PACRG: variants seen among roughly 807,000 people sequenced by gnomAD.
PACRG encodes parkin coregulated gene protein.
PACRG carries 29 observed loss-of-function variants against 29.7 expected under a neutral mutation model. The observed-to-expected ratio is 0.98, with a 90% CI of 0.73 to 1.33. The LOEUF is 1.33. PACRG is among the 40% of genes most tolerant of loss of function. The probability of loss-of-function intolerance (pLI) is 0.00; values close to 1 mark genes in which losing one functional copy is unlikely to be tolerated. For missense variants in PACRG, 279 were observed against 316.2 expected (o/e 0.88, Z 0.89); for synonymous variants, 116 against 118.7 (o/e 0.98, Z 0.15).
At chr6:163,101,541 G>A (rs1003730069) in intron 4 of PACRG, 3 of 434,052 alleles carry the variant, frequency 6.9e-6, no homozygotes, top group African/African-American at 6.5e-5. Context: ...GTGAGTGTAG[G>A]ATAATGATAT....
At chr6:162,941,393 C>T (rs1443748040) in intron 2 of PACRG, among the ~76,000 whole-genome samples, 1 of 152,180 alleles carries the variant, frequency 6.6e-6, no homozygotes, top group African/African-American at 2.4e-5. Flanking sequence ...TCTTTCATGT[C>T]CCAAAGTACT....
At chr6:162,987,285 C>A (rs1319998253) in intron 2 of PACRG, among the ~76,000 whole-genome samples, 3 of 152,128 alleles carry the variant, frequency 2.0e-5, no homozygotes, top group East Asian at 3.9e-4. Flanking sequence ...ATTGTTATTG[C>A]TCTTCTGGGT....
intron 2 of PACRG, among the ~76,000 whole-genome samples, chr6:162,996,263 C>G (rs1192555908): frequency 6.6e-6 from 1 of 152,046 alleles, no homozygotes; most frequent in African/African-American, 2.4e-5. Flanking sequence ...GCTGTATACC[C>G]TAAATATATA....
chr6:163,037,180 GAGA>G (rs1808279967), intron 2 of PACRG, among the ~76,000 whole-genome samples: 1 of 152,178 alleles, frequency 6.6e-6, no homozygotes, highest in Non-Finnish European at 1.5e-5. Context: ...AGTGGCAGAA[GAGA>G]AGGAGGCATC....
intron 2 of PACRG, among the ~76,000 whole-genome samples, chr6:162,898,987 AAAGAAAGTG>A (rs1393138922): frequency 6.6e-6 from 1 of 152,198 alleles, no homozygotes; most frequent in East Asian, 1.9e-4. Context: ...CTTATAAACC[AAAGAAAGTG>A]AGTTTAAATT....
chr6:162,795,842 G>C (rs1785338791), intron 1 of PACRG, among the ~76,000 whole-genome samples: 1 of 151,746 alleles, frequency 6.6e-6, no homozygotes, highest in Non-Finnish European at 1.5e-5. Context: ...TTTATTTTTT[G>C]TTACTATAAT....
chr6:163,268,860 G>A (rs1313754955), intron 4 of PACRG, among the ~76,000 whole-genome samples: 3 of 152,140 alleles, frequency 2.0e-5, no homozygotes, highest in Admixed American at 6.5e-5. Context: ...CATGGACCCC[G>A]TGTGCTGCTG....
At chr6:163,270,621 T>C (rs1783790476) in intron 4 of PACRG, among the ~76,000 whole-genome samples, 1 of 152,024 alleles carries the variant, frequency 6.6e-6, no homozygotes, top group Non-Finnish European at 1.5e-5. Flanking sequence ...CAGTCCTCCC[T>C]CCTTGCCTCC....
chr6:162,947,621 T>TATATATATATATATAATC (rs1799307514), intron 2 of PACRG, among the ~76,000 whole-genome samples: 1 of 47,938 alleles, frequency 2.1e-5, no homozygotes, highest in African/African-American at 7.9e-5. Context: ...CATATATATA[T>TATATATATATATATAATC]ATATATATAT....
chr6:163,272,288 C>T (rs994928505), intron 4 of PACRG, among the ~76,000 whole-genome samples: 3 of 152,148 alleles, frequency 2.0e-5, no homozygotes, highest in Non-Finnish European at 1.5e-5. Flanking sequence ...CTGCGTCCCT[C>T]GGCCTTCCAA....
intron 2 of PACRG, among the ~76,000 whole-genome samples, chr6:162,983,899 G>A (rs1360857764): frequency 6.6e-6 from 1 of 151,932 alleles, no homozygotes; most frequent in Non-Finnish European, 1.5e-5. Context: ...CCTCAAATAC[G>A]TTTTCCAAGC....
At chr6:162,807,918 A>G (rs1786497091) in intron 1 of PACRG, among the ~76,000 whole-genome samples, 1 of 152,228 alleles carries the variant, frequency 6.6e-6, no homozygotes, top group Non-Finnish European at 1.5e-5. Flanking sequence ...TTTTCTGACT[A>G]TCATGATCAT....
At chr6:163,110,029 G>A (rs1815621037) in intron 4 of PACRG, among the ~76,000 whole-genome samples, 1 of 151,530 alleles carries the variant, frequency 6.6e-6, no homozygotes, top group South Asian at 2.1e-4. Flanking sequence ...GAGATTTCTA[G>A]TGTGGAGATA....
At chr6:163,200,252 G>A (rs1022021137) in intron 4 of PACRG, among the ~76,000 whole-genome samples, 6 of 151,816 alleles carry the variant, frequency 4.0e-5, no homozygotes, top group African/African-American at 1.2e-4. Flanking sequence ...TATAGAAAAG[G>A]AAATGTCCTA....
intron 4 of PACRG, among the ~76,000 whole-genome samples, chr6:163,143,374 A>C (rs2128335242): frequency 6.6e-6 from 1 of 151,476 alleles, no homozygotes; most frequent in Non-Finnish European, 1.5e-5. Context: ...GCATAAGTAG[A>C]GGTTTTATTT....
intron 1 of PACRG, among the ~76,000 whole-genome samples, chr6:162,781,311 T>G (rs962729489): frequency 6.6e-6 from 1 of 151,900 alleles, no homozygotes; most frequent in African/African-American, 2.4e-5. Flanking sequence ...AAATAACAAG[T>G]TGTTTTCAGA....
At chr6:163,223,690 G>T (rs1167404957) in intron 4 of PACRG, among the ~76,000 whole-genome samples, 1 of 152,204 alleles carries the variant, frequency 6.6e-6, no homozygotes, top group African/African-American at 2.4e-5. Context: ...GTCAGAAAAG[G>T]CTTGAGGTAG....
chr6:162,906,753 A>T (rs894849598), intron 2 of PACRG, among the ~76,000 whole-genome samples: 1 of 152,208 alleles, frequency 6.6e-6, no homozygotes, highest in Admixed American at 6.5e-5. Context: ...GGGAACTGAC[A>T]TATTGCTAAA....
At chr6:162,937,129 G>A (rs1447294627) in intron 2 of PACRG, among the ~76,000 whole-genome samples, 1 of 152,166 alleles carries the variant, frequency 6.6e-6, no homozygotes, top group East Asian at 1.9e-4. Flanking sequence ...GAAAAGGCAT[G>A]GGTGGAGCTT....
Sources: allele counts gnomAD v4.1 joint callset (sites outside exome capture counted in the v4.1 genomes callset), GRCh38; gene constraint gnomAD v4.1.1; transcripts MANE v1.5; gene names NCBI Gene and HGNC (gene_info 2026-07-23, HGNC 2026-07-21).